VWA8: variants seen among roughly 807,000 people sequenced by gnomAD.
The protein encoded by VWA8 is von Willebrand factor A domain containing 8, also known as von Willebrand factor A domain-containing protein 8.
In VWA8, 221 loss-of-function variants were observed where a neutral mutation model predicts 241.5. The ratio of observed to expected loss-of-function variants is 0.91; its 90% CI spans 0.82 to 1.02. VWA8 has a LOEUF of 1.02. Ranked by LOEUF, VWA8 falls within the 50% of genes least tolerant of loss-of-function variation. The pLI is 0.00. For synonymous variants in VWA8, 852 were observed against 827.1 expected, an observed-to-expected ratio of 1.03 and a Z score of -0.52; for missense variants, 2,322 against 2,328.7, an observed-to-expected ratio of 1.00 and a Z score of 0.06.
intron 2 of VWA8, 96 bp from the exon 3 acceptor site, chr13:41,912,264 G>A (rs189218798): frequency 1.4e-4 from 112 of 785,756 alleles, no homozygotes; most frequent in African/African-American, 1.1e-3. Context: ...TATATATAAC[G>A]TATATAAAAT....
chr13:41,791,949 A>T (rs540550374), intron 17 of VWA8, among the ~76,000 whole-genome samples: 54 of 151,996 alleles, frequency 3.6e-4, no homozygotes, highest in African/African-American at 1.2e-3. Flanking sequence ...TTAGGCAAAA[A>T]AAAACTGTTG....
rs2045125623 is a variant in VWA8, at chr13:41,685,051, T to C, written c.4323A>G (p.Pro1441=). Residue 1441 remains proline (P), a synonymous_variant, in exon 35 of 45, where the codon CCA becomes CCG. Coordinates refer to ENST00000379310, the MANE Select transcript of VWA8 (RefSeq NM_015058.2). ...AATTGGTGAGTTCCTTCTTACCTTT[T>C]GGGTAGATATCTTTTAGAGGGACTT... ...PGEVPLKDIY[P]KDVTPPQTSG... 2 of 1,612,562 alleles carry C rather than the reference T, an allele frequency of 1.2e-6. No homozygotes were observed. Among genetic ancestry groups the C allele is most frequent in the East Asian group, 2.2e-5 (1 of 44,854 alleles).
At chr13:41,787,999 TTATC>T (rs1292003694) in intron 17 of VWA8, among the ~76,000 whole-genome samples, 2 of 152,168 alleles carry the variant, frequency 1.3e-5, no homozygotes, top group East Asian at 1.9e-4. Flanking sequence ...GAATTTAACA[TTATC>T]TAGCTTCGTT....
At chr13:41,633,441 C>T (rs917336125) in intron 37 of VWA8, among the ~76,000 whole-genome samples, 1 of 152,126 alleles carries the variant, frequency 6.6e-6, no homozygotes, top group Admixed American at 6.5e-5. Flanking sequence ...ACAGAATGAC[C>T]GCAGTGGTAT....
At chr13:41,918,275 T>A (rs1876352641) in intron 2 of VWA8, among the ~76,000 whole-genome samples, 1 of 152,166 alleles carries the variant, frequency 6.6e-6, no homozygotes. Flanking sequence ...TATGATCCAA[T>A]ATAGCTGTTA....
At chr13:41,605,720 G>A (rs929805357) in intron 39 of VWA8, among the ~76,000 whole-genome samples, 1 of 151,714 alleles carries the variant, frequency 6.6e-6, no homozygotes, top group Non-Finnish European at 1.5e-5. Flanking sequence ...GGGTTCCCAT[G>A]GGTTGCTTTT....
At chr13:41,938,834 T>C (rs1877468739) in intron 2 of VWA8, among the ~76,000 whole-genome samples, 1 of 152,206 alleles carries the variant, frequency 6.6e-6, no homozygotes, top group African/African-American at 2.4e-5. Context: ...CAGTGAAGTT[T>C]TGTGTAATTT....
At chr13:41,645,103 T>G (rs115042336) in intron 37 of VWA8, among the ~76,000 whole-genome samples, 1,531 of 152,306 alleles carry the variant, frequency 0.01, 24 homozygotes, top group African/African-American at 0.034. Context: ...ACTTCATCTG[T>G]AAAACAAGGA....
chr13:41,834,528 TCTCA>T (rs1177426109), intron 12 of VWA8, among the ~76,000 whole-genome samples: 1 of 152,202 alleles, frequency 6.6e-6, no homozygotes, highest in African/African-American at 2.4e-5. Flanking sequence ...GTTTCAATCT[TCTCA>T]CTATCAAGAA....
chr13:41,925,989 A>G (rs982901767), intron 2 of VWA8: 13 of 395,102 alleles, frequency 3.3e-5, no homozygotes, highest in Non-Finnish European at 6.3e-5. Flanking sequence ...GGCAGGTAGG[A>G]TCCATGCTAA....
chr13:41,939,736 C>T (rs1877511599), intron 2 of VWA8, among the ~76,000 whole-genome samples: 1 of 152,112 alleles, frequency 6.6e-6, no homozygotes, highest in Non-Finnish European at 1.5e-5. Context: ...TTTAGATTTC[C>T]AGCTAAGAAT....
intron 21 of VWA8, among the ~76,000 whole-genome samples, chr13:41,750,195 G>A (rs2045644701): frequency 6.6e-6 from 1 of 152,078 alleles, no homozygotes; most frequent in Non-Finnish European, 1.5e-5. Context: ...AGCACTTTGG[G>A]AGGCTGAGGC....
At chr13:41,791,716 T>A (rs1395051223) in intron 17 of VWA8, among the ~76,000 whole-genome samples, 2 of 151,938 alleles carry the variant, frequency 1.3e-5, no homozygotes, top group Non-Finnish European at 3.0e-5. Flanking sequence ...TGTAAATGCA[T>A]GCAACTTACT....
Position 41,729,609 on chromosome 13 carries a change from C to A in VWA8, c.2571G>T (p.Thr857=). The A allele has an allele frequency of 6.2e-7, 1 of 1,613,190 alleles. No individual in the cohort carries two copies. The highest frequency in any genetic ancestry group is 8.5e-7 in the Non-Finnish European group (1 of 1,179,506). ...TTTCTACTAGAGTTTTTAAAATACACGTGACATTTGTTGGAGCTTTGTCAG... is the reference window on the plus strand; with the variant it reads ...TTTCTACTAGAGTTTTTAAAATACAAGTGACATTTGTTGGAGCTTTGTCAG... ...DEADKAPTNV[T]CILKTLVENG... Residue 857 remains threonine (T), a synonymous_variant, in exon 23 of 45, where the codon ACG becomes ACT. Transcript: ENST00000379310.
intron 12 of VWA8, among the ~76,000 whole-genome samples, chr13:41,860,775 A>T (rs1231359435): frequency 6.6e-6 from 1 of 152,188 alleles, no homozygotes; most frequent in Non-Finnish European, 1.5e-5. Flanking sequence ...ATTATTAGAT[A>T]TACACATACT....
At chr13:41,675,817 T>A (rs1006356681) in intron 35 of VWA8, among the ~76,000 whole-genome samples, 1 of 151,514 alleles carries the variant, frequency 6.6e-6, no homozygotes, top group Non-Finnish European at 1.5e-5. Context: ...GACCACAGCA[T>A]CTGAGCATCA....
At chr13:41,959,206 A>G (rs1878477000) in intron 1 of VWA8, among the ~76,000 whole-genome samples, 1 of 152,198 alleles carries the variant, frequency 6.6e-6, no homozygotes, top group Non-Finnish European at 1.5e-5. Flanking sequence ...TAATTAATAA[A>G]TCCTCACAAC....
intron 40 of VWA8, among the ~76,000 whole-genome samples, chr13:41,601,619 G>A (rs1001122998): frequency 6.6e-6 from 1 of 152,136 alleles, no homozygotes; most frequent in African/African-American, 2.4e-5. Flanking sequence ...GGTGCAATAA[G>A]AGATTGAGAT....
chr13:41,696,179 T>A (rs899583011), intron 29 of VWA8: 7 of 152,202 alleles, frequency 4.6e-5, no homozygotes, highest in African/African-American at 1.4e-4. Flanking sequence ...TAAAGTTTTA[T>A]AAACAATATC....
Sources: gnomAD v4.1 joint callset for allele counts (sites outside exome capture counted in the v4.1 genomes callset) on GRCh38, gnomAD v4.1.1 for gene constraint, MANE v1.5 for transcripts, NCBI Gene and HGNC (gene_info 2026-07-23, HGNC 2026-07-21) for gene names.